Variants in SPAM1 observed in about 807,000 individuals in gnomAD.
SPAM1 encodes the protein hyaluronidase PH-20.
A neutral mutation model predicts 29.6 loss-of-function variants in SPAM1; 22 were observed. The ratio of observed to expected loss-of-function variants is 0.74; its 90% CI spans 0.53 to 1.06. The LOEUF (loss-of-function observed/expected upper bound fraction) is 1.06. Among genes scored for constraint, SPAM1 ranks in the 50% least tolerant of loss-of-function variants. The pLI, the probability that SPAM1 is intolerant of heterozygous loss-of-function variation, is 0.00. For missense variants in SPAM1, 534 were observed against 604.0 expected, an observed-to-expected ratio of 0.88 and a Z score of 1.21; for synonymous variants, 194 against 204.6, an observed-to-expected ratio of 0.95 and a Z score of 0.44.
chr7:123,959,251 A>G (rs1415777390), intron 4 of SPAM1, among the ~76,000 whole-genome samples: 1 of 152,094 alleles, frequency 6.6e-6, no homozygotes, highest in East Asian at 1.9e-4. Context: ...AAGGAATACT[A>G]AGCCTCAATT....
intron 1 of SPAM1, among the ~76,000 whole-genome samples, chr7:123,941,805 A>C (rs763760858): frequency 6.6e-6 from 1 of 152,174 alleles, no homozygotes; most frequent in Non-Finnish European, 1.5e-5. Flanking sequence ...TCTTTCAGGA[A>C]AAGCATTTTA....
chr7:123,927,313 T>G (rs986218360), intron 1 of SPAM1, among the ~76,000 whole-genome samples: 1 of 152,076 alleles, frequency 6.6e-6, no homozygotes, highest in Non-Finnish European at 1.5e-5. Flanking sequence ...TTTGCCAAAG[T>G]TGGGTAAGCC....
intron 5 of SPAM1, among the ~76,000 whole-genome samples, chr7:123,969,313 T>C (rs1792467851): frequency 6.6e-6 from 1 of 152,044 alleles, no homozygotes; most frequent in South Asian, 2.1e-4. Flanking sequence ...TTGTCTATTT[T>C]TGGTTTTGTT....
intron 1 of SPAM1, among the ~76,000 whole-genome samples, chr7:123,940,255 A>G (rs1808389864): frequency 6.6e-6 from 1 of 152,128 alleles, no homozygotes; most frequent in South Asian, 2.1e-4. Flanking sequence ...CTCACTTAGC[A>G]TGCATCAATT....
downstream of SPAM1, among the ~76,000 whole-genome samples, chr7:123,961,231 G>A (rs1417060050): frequency 6.6e-6 from 1 of 151,738 alleles, no homozygotes; most frequent in Non-Finnish European, 1.5e-5. Context: ...GCTAATTATA[G>A]TCACCCCCCA....
chr7:123,953,804 C>A lies in SPAM1; in HGVS notation c.234C>A (p.Ser78Arg). ...LDMSLFSFIG[S>R]PRINATGQGV... ...TGAGCCTCTTCTCTTTCATAGGAAG[C>A]CCCCGAATAAACGCCACCGGGCAAG... The change falls in exon 3 of 5, where the codon AGC becomes AGA. Residue 78 changes from serine to arginine, a missense_variant. Coordinates refer to ENST00000682466, the MANE Select transcript of SPAM1 (RefSeq NM_153189.3). 6.2e-7 allele frequency: 1 copy of A among 1,612,500 alleles called. No homozygotes were observed. The highest frequency in any genetic ancestry group is 1.7e-4 in the Middle Eastern group (1 of 6,048).
intron 5 of SPAM1, among the ~76,000 whole-genome samples, chr7:123,968,476 A>G (rs1289930586): frequency 2.0e-5 from 3 of 152,018 alleles, no homozygotes; most frequent in Admixed American, 2.0e-4. Context: ...TCAATCTGAC[A>G]CTAAGTTCCT....
intron 1 of SPAM1, among the ~76,000 whole-genome samples, chr7:123,943,626 A>G (rs1288666021): frequency 1.3e-5 from 2 of 152,204 alleles, no homozygotes; most frequent in Non-Finnish European, 2.9e-5. Flanking sequence ...TATCAAATAA[A>G]CCAAATATCT....
chr7:123,929,789 A>G (rs1279886224), intron 1 of SPAM1, among the ~76,000 whole-genome samples: 2 of 152,010 alleles, frequency 1.3e-5, no homozygotes, highest in African/African-American at 4.8e-5. Flanking sequence ...GACTATCAGC[A>G]TTTACATAAG....
chr7:123,964,692 A>G (rs1792400193), downstream of SPAM1, among the ~76,000 whole-genome samples: 1 of 151,872 alleles, frequency 6.6e-6, no homozygotes, highest in Admixed American at 6.6e-5. Context: ...GTGACCCACC[A>G]CATGCGGCAC....
intron 1 of SPAM1, among the ~76,000 whole-genome samples, chr7:123,938,758 C>T (rs1384538714): frequency 1.3e-5 from 2 of 152,152 alleles, no homozygotes; most frequent in African/African-American, 4.8e-5. Flanking sequence ...CGGTTAATTG[C>T]AAACCCATAG....
intron 2 of SPAM1, among the ~76,000 whole-genome samples, chr7:123,951,628 CCTTT>C (rs1324526033): frequency 1.3e-5 from 2 of 151,808 alleles, no homozygotes; most frequent in Non-Finnish European, 2.9e-5. Context: ...TTTTCTTTTT[CCTTT>C]CTTTCTTGAG....
At chr7:123,958,696 G>A (rs558417993) in intron 4 of SPAM1, among the ~76,000 whole-genome samples, 9 of 151,970 alleles carry the variant, frequency 5.9e-5, no homozygotes, top group South Asian at 2.1e-4. Flanking sequence ...GACAGATCTC[G>A]TGGCATGTGC....
chr7:123,953,708 T>C lies in SPAM1; in HGVS notation c.138T>C (p.Asn46=), dbSNP rs1792171921. 5.0e-6 allele frequency: 8 copies of C among 1,613,496 alleles called. No homozygotes were observed. In the East Asian group the frequency reaches 1.6e-4, roughly 31 times the overall value. Residue 46 remains asparagine, a synonymous_variant, in exon 3 of 5, where the codon AAT becomes AAC. Transcript: ENST00000682466. The stretch of plus-strand genomic sequence containing the variant: ...TCAGAGCACCTCCTGTTATTCCAAA[T>C]GTGCCTTTCCTCTGGGCCTGGAATG... ...LNFRAPPVIP[N]VPFLWAWNAP...
intron 1 of SPAM1, among the ~76,000 whole-genome samples, chr7:123,937,411 A>C (rs4731131): frequency 0.21 from 32,250 of 151,764 alleles, 3,677 homozygotes; most frequent in South Asian, 0.27. Flanking sequence ...ACCATCCTGG[A>C]TAACATGGTG....
At position 123,954,420 on chromosome 7, in the gene SPAM1, G is replaced by GAA; in HGVS notation, c.851_852dup (p.Ala285LysfsTer23). Reference sequence around the variant, plus strand: ...ACTCTATGTGCGCAATCGAGTTCGGGAAGCCATCAGAGTTTCCAAAATACC... The same window carrying GAA: ...ACTCTATGTGCGCAATCGAGTTCGGGAAAAGCCATCAGAGTTTCCAAAATACC... On this transcript the variant is annotated frameshift_variant, in exon 3 of 5. Transcript: ENST00000682466. LOFTEE classifies it high-confidence loss of function. 6.2e-7 allele frequency: 1 copy of GAA among 1,613,386 alleles called. No homozygotes were observed. The highest frequency in any genetic ancestry group is 8.5e-7 in the Non-Finnish European group (1 of 1,179,644).
At chr7:123,965,483 G>A (rs1268219918) in intron 5 of SPAM1, among the ~76,000 whole-genome samples, 3 of 151,994 alleles carry the variant, frequency 2.0e-5, no homozygotes, top group Admixed American at 6.6e-5. Flanking sequence ...TTTGTATAAA[G>A]TATAAGGAAG....
chr7:123,965,909 C>T (rs114450684), intron 5 of SPAM1, among the ~76,000 whole-genome samples: 13,178 of 151,922 alleles, frequency 0.087, 679 homozygotes, highest in South Asian at 0.12. Context: ...GCCATTTTAA[C>T]AATATTGACA....
chr7:123,970,401 C>T (rs1792482751), intron 6 of SPAM1: 2 of 690,064 alleles, frequency 2.9e-6, no homozygotes, highest in Non-Finnish European at 4.6e-6. Flanking sequence ...CTCTAAAGAC[C>T]TCATTTTCAC....
Sources: allele counts gnomAD v4.1 joint callset (sites outside exome capture counted in the v4.1 genomes callset), GRCh38; gene constraint gnomAD v4.1.1; transcripts MANE v1.5; gene names NCBI Gene and HGNC (gene_info 2026-07-23, HGNC 2026-07-21).